The following ANKRD55 variants were observed in gnomAD, a reference collection of about 807,000 sequenced individuals.
ANKRD55 encodes ankyrin repeat domain 55.
Under a neutral mutation model 60.6 loss-of-function variants are expected in ANKRD55, and 41 were observed. That is an observed-to-expected ratio of 0.68 (90% CI 0.53 to 0.88). The LOEUF (loss-of-function observed/expected upper bound fraction) is 0.88, where lower values mean the gene tolerates loss of function less well. Ranked by LOEUF, ANKRD55 falls within the 40% of genes least tolerant of loss-of-function variation. The probability of loss-of-function intolerance (pLI) is 0.00; values close to 1 mark genes in which losing one functional copy is unlikely to be tolerated. For synonymous variants in ANKRD55, 264 were observed against 290.3 expected (o/e 0.91, Z 0.92); for missense variants, 732 against 767.6 (o/e 0.95, Z 0.55).
chr5:56,137,462 G>A, intron 7 of ANKRD55: 1 of 810,076 alleles, frequency 1.2e-6, no homozygotes, highest in Non-Finnish European at 2.2e-6. Flanking sequence ...AACCAGAAGA[G>A]GAGATTGCCC....
intron 2 of ANKRD55, among the ~76,000 whole-genome samples, chr5:56,206,153 T>C (rs1350818478): frequency 1.3e-5 from 2 of 151,504 alleles, no homozygotes; most frequent in Non-Finnish European, 2.9e-5. Flanking sequence ...TTTTTTGTAT[T>C]TTTAGTAGAC....
intron 7 of ANKRD55, chr5:56,127,462 T>C (rs1232696777): frequency 4.5e-5 from 44 of 984,880 alleles, no homozygotes; most frequent in Non-Finnish European, 5.2e-5. Flanking sequence ...TTAGGTCTGA[T>C]CATTTGTGTC....
intron 4 of ANKRD55, among the ~76,000 whole-genome samples, chr5:56,172,073 C>T (rs567005476): frequency 2.0e-5 from 3 of 150,144 alleles, no homozygotes; most frequent in Admixed American, 6.6e-5. Context: ...GAGCCGAGAT[C>T]GCGCCACTGC....
intron 5 of ANKRD55, among the ~76,000 whole-genome samples, chr5:56,169,431 T>C (rs530219953): frequency 1.0e-5 from 1 of 96,856 alleles, no homozygotes; most frequent in Non-Finnish European, 1.7e-5. Context: ...GGTCATTCTT[T>C]TTTTTTTTTT....
intron 6 of ANKRD55, among the ~76,000 whole-genome samples, chr5:56,150,566 T>G (rs1206536654): frequency 1.3e-5 from 2 of 152,130 alleles, no homozygotes; most frequent in Middle Eastern, 6.8e-3. Context: ...ATTGCACCAC[T>G]GCACTCTGGC....
intron 6 of ANKRD55, among the ~76,000 whole-genome samples, chr5:56,159,593 A>G (rs1350045329): frequency 6.6e-6 from 1 of 152,234 alleles, no homozygotes; most frequent in African/African-American, 2.4e-5. Flanking sequence ...TCGTATGATA[A>G]ATGCTGAAGT....
intron 2 of ANKRD55, among the ~76,000 whole-genome samples, chr5:56,224,020 T>C (rs1421514294): frequency 6.6e-6 from 1 of 152,142 alleles, no homozygotes; most frequent in Non-Finnish European, 1.5e-5. Flanking sequence ...CCACCCCAAA[T>C]CAACAGAATA....
chr5:56,159,704 G>A (rs1019054812), intron 6 of ANKRD55, 129 bp downstream of exon 6: 1 of 887,434 alleles, frequency 1.1e-6, no homozygotes, highest in Non-Finnish European at 1.8e-6. Flanking sequence ...CTCCCTTTCA[G>A]GGTAGGAACA....
At chr5:56,135,304 T>TTTCC (rs1580969482) in intron 7 of ANKRD55, among the ~76,000 whole-genome samples, 1 of 8,492 alleles carries the variant, frequency 1.2e-4, no homozygotes, top group East Asian at 9.8e-4. Context: ...GCTTTCTTTC[T>TTTCC]TTCTTTCTTT....
chr5:56,203,856 T>C (rs1759437882), intron 2 of ANKRD55, among the ~76,000 whole-genome samples: 1 of 152,170 alleles, frequency 6.6e-6, no homozygotes, highest in Admixed American at 6.5e-5. Flanking sequence ...TACCCAGTAA[T>C]GGGATGGCTG....
chr5:56,111,114 T>C lies in ANKRD55; in HGVS notation c.1630+4A>G, dbSNP rs773779044. ...GAGAATGAACATGAAATCAAGGACA[T>C]TACCTGATGATGGATTATGTAGATG... On this transcript the variant is annotated splice_donor_region_variant and intron_variant, in intron 10 of 11. Transcript: ENST00000341048. The C allele has an allele frequency of 2.5e-6, 4 of 1,610,742 alleles. No individual in the cohort carries two copies. The Admixed American group carries it at 5.0e-5, about 20-fold the overall frequency.
chr5:56,183,941 A>G (rs940293320), intron 2 of ANKRD55, among the ~76,000 whole-genome samples: 18 of 152,226 alleles, frequency 1.2e-4, no homozygotes, highest in African/African-American at 3.9e-4. Flanking sequence ...GAAAGTGGGA[A>G]GTGGGGCCCT....
rs3055156 is a variant in ANKRD55, at chr5:56,113,986, CTATATATATATATATA to C, written c.966-2220_966-2205del. On this transcript the variant is annotated intron_variant, in intron 9 of 11. Transcript: ENST00000341048. Reference sequence around the variant, plus strand: ...GTATATTTATATCAAAATATGTATACTATATATATATATATATATATATATATATACAATAAAAATA... The same window carrying C: ...GTATATTTATATCAAAATATGTATACTATATATATATATACAATAAAAATA... 2.4e-3 allele frequency among the ~76,000 whole-genome samples: 336 copies of C among 139,156 alleles called. 1 individual carries two copies. Among genetic ancestry groups the C allele is most frequent in the Non-Finnish European group, 4.1e-3 (263 of 64,610 alleles). 91.3% of individuals were successfully genotyped at this position (139,156 alleles called of 152,430 possible). A position where few individuals can be genotyped will look rare whatever the true frequency, so the allele number is the denominator to read the frequency against.
At chr5:56,136,966 C>T (rs1326067518) in intron 7 of ANKRD55, 1 of 553,920 alleles carries the variant, frequency 1.8e-6, no homozygotes, top group Admixed American at 2.5e-5. Context: ...GTGGCCTCAG[C>T]TAATCTGTGA....
intron 5 of ANKRD55, among the ~76,000 whole-genome samples, chr5:56,168,440 G>A (rs1219130424): frequency 2.6e-5 from 4 of 152,146 alleles, no homozygotes; most frequent in South Asian, 2.1e-4. Flanking sequence ...TCCCCGTATC[G>A]CAGCACTGTG....
intron 7 of ANKRD55, among the ~76,000 whole-genome samples, chr5:56,141,138 T>TTG (rs1554039035): frequency 6.7e-6 from 1 of 149,360 alleles, no homozygotes; most frequent in Non-Finnish European, 1.5e-5. Context: ...CAGTTTTTTT[T>TTG]TTTTTTTTTT....
intron 3 of ANKRD55, among the ~76,000 whole-genome samples, chr5:56,177,617 C>CA (rs1447686016): frequency 2.0e-5 from 3 of 151,390 alleles, no homozygotes; most frequent in Non-Finnish European, 4.4e-5. Context: ...TCTAAAAATT[C>CA]AAAAAAAATT....
intron 8 of ANKRD55, among the ~76,000 whole-genome samples, chr5:56,117,513 G>T (rs1275492624): frequency 6.6e-6 from 1 of 151,962 alleles, no homozygotes; most frequent in Non-Finnish European, 1.5e-5. Context: ...GAGTGCAATG[G>T]TGTGGTCTTG....
At chr5:56,187,834 C>T (rs1759008384) in intron 2 of ANKRD55, among the ~76,000 whole-genome samples, 1 of 152,168 alleles carries the variant, frequency 6.6e-6, no homozygotes. Flanking sequence ...AGGCCAAGAA[C>T]CCCAGGTCAG....
Sources: allele counts gnomAD v4.1 joint callset (sites outside exome capture counted in the v4.1 genomes callset), GRCh38; gene constraint gnomAD v4.1.1; transcripts MANE v1.5; gene names NCBI Gene and HGNC (gene_info 2026-07-23, HGNC 2026-07-21).